SPATS2L: variants seen among roughly 807,000 people sequenced by gnomAD.
SPATS2L encodes the protein spermatogenesis associated serine rich 2 like, also known as SPATS2-like protein.
Under a neutral mutation model 59.6 loss-of-function variants are expected in SPATS2L, and 30 were observed. The observed-to-expected ratio is 0.50, with a 90% confidence interval of 0.38 to 0.68. The LOEUF (loss-of-function observed/expected upper bound fraction) is 0.68. SPATS2L is among the 30% of genes least tolerant of loss of function. The pLI, the probability that SPATS2L is intolerant of heterozygous loss-of-function variation, is 0.00. For synonymous variants in SPATS2L, 252 were observed against 263.5 expected (o/e 0.96, Z 0.42); for missense variants, 615 against 700.0 (o/e 0.88, Z 1.37).
At chr2:200,392,357 A>C in intron 3 of SPATS2L, among the ~76,000 whole-genome samples, 1 of 152,156 alleles carries the variant, frequency 6.6e-6, no homozygotes, top group Middle Eastern at 3.2e-3. Context: ...AAATACTTGG[A>C]GGTTTGGGGT....
intron 2 of SPATS2L, among the ~76,000 whole-genome samples, chr2:200,366,923 T>C (rs961752522): frequency 1.3e-5 from 2 of 152,230 alleles, no homozygotes; most frequent in African/African-American, 4.8e-5. Flanking sequence ...TAAACCAAAG[T>C]AGTAATTTAC....
intron 2 of SPATS2L, among the ~76,000 whole-genome samples, chr2:200,361,668 A>C (rs2081111454): frequency 6.6e-6 from 1 of 152,200 alleles, no homozygotes; most frequent in Non-Finnish European, 1.5e-5. Flanking sequence ...TTACAACTGA[A>C]TAAGCCAGTC....
intron 6 of SPATS2L, among the ~76,000 whole-genome samples, chr2:200,438,810 C>T (rs1410646800): frequency 6.6e-6 from 1 of 152,112 alleles, no homozygotes; most frequent in Non-Finnish European, 1.5e-5. Flanking sequence ...TGCTCATCTT[C>T]TATAAGCCTC....
In SPATS2L at chr2:200,321,608, T is replaced by C. The variant is rs569823262; in HGVS notation, c.-72-7823T>C. On this transcript the variant is annotated intron_variant, in intron 1 of 12. Transcript: ENST00000409140. Reference sequence around the variant, plus strand: ...TCAGTATATGAATGTGCTTTAATGTTATTCTATGGATAAACAATTTTTAAT... The same window carrying C: ...TCAGTATATGAATGTGCTTTAATGTCATTCTATGGATAAACAATTTTTAAT... Among the ~76,000 whole-genome samples the C allele has an allele frequency of 3.3e-5, 5 of 152,362 alleles. No homozygotes were observed. The South Asian group carries it at 8.3e-4, about 25-fold the overall frequency.
chr2:200,346,925 G>T (rs960590461), intron 2 of SPATS2L, among the ~76,000 whole-genome samples: 5 of 152,290 alleles, frequency 3.3e-5, no homozygotes, highest in South Asian at 4.1e-4. Flanking sequence ...TTGGGCTGCT[G>T]TACATGCTTG....
At chr2:200,448,950 C>T (rs1338011727) in intron 8 of SPATS2L, among the ~76,000 whole-genome samples, 4 of 152,152 alleles carry the variant, frequency 2.6e-5, no homozygotes, top group Non-Finnish European at 5.9e-5. Context: ...CACTCTGCAC[C>T]AGTCCAATAA....
In SPATS2L at chr2:200,445,486, C is replaced by T. The variant is rs1481720925; in HGVS notation, c.788+4702C>T. ...TCAATGTGGTCAACAGGTGGCCCCA[C>T]ATACAAACCAGATGTCACCATTGAC... On this transcript the variant is annotated intron_variant, in intron 8 of 12. Transcript: ENST00000409140. Among the ~76,000 whole-genome samples the T allele has an allele frequency of 2.0e-5, 3 of 152,320 alleles. No individual in the cohort carries two copies. In the East Asian group the frequency reaches 5.8e-4, roughly 29 times the overall value.
chr2:200,447,048 G>T (rs2085095753), intron 8 of SPATS2L, among the ~76,000 whole-genome samples: 1 of 152,158 alleles, frequency 6.6e-6, no homozygotes, highest in East Asian at 1.9e-4. Flanking sequence ...AAGAACCAAA[G>T]GTTGTAGCTA....
chr2:200,382,153 C>A (rs542082806), intron 2 of SPATS2L, among the ~76,000 whole-genome samples: 17 of 152,190 alleles, frequency 1.1e-4, no homozygotes, highest in African/African-American at 4.1e-4. Flanking sequence ...CCCCACCTAC[C>A]GGGTTCAAGC....
At chr2:200,383,849 A>G in intron 2 of SPATS2L, 2 of 993,270 alleles carry the variant, frequency 2.0e-6, no homozygotes, top group Non-Finnish European at 2.4e-6. Context: ...TATATTTCCT[A>G]TGGTTTCTTA....
At chr2:200,477,391 C>T (rs1157702785) in intron 12 of SPATS2L, among the ~76,000 whole-genome samples, 1 of 151,950 alleles carries the variant, frequency 6.6e-6, no homozygotes, top group Non-Finnish European at 1.5e-5. Context: ...TCTTACACTT[C>T]TGTAACCTCT....
intron 6 of SPATS2L, among the ~76,000 whole-genome samples, chr2:200,433,189 A>G (rs1452964538): frequency 2.0e-5 from 3 of 152,226 alleles, no homozygotes; most frequent in African/African-American, 7.2e-5. Flanking sequence ...AAGCAGCAAT[A>G]TATAGAACTA....
intron 2 of SPATS2L, among the ~76,000 whole-genome samples, chr2:200,376,111 T>G (rs1412279803): frequency 1.3e-5 from 2 of 152,218 alleles, no homozygotes; most frequent in African/African-American, 4.8e-5. Context: ...GCATTGTATT[T>G]GGAACTTTGG....
intron 2 of SPATS2L, among the ~76,000 whole-genome samples, chr2:200,385,985 C>G (rs927480102): frequency 6.6e-6 from 1 of 152,220 alleles, no homozygotes; most frequent in Admixed American, 6.5e-5. Flanking sequence ...AGCCACCGCA[C>G]CCGGCCAACT....
At chr2:200,439,068 C>A in intron 6 of SPATS2L, 54 bp from the exon 7 acceptor site, 2 of 1,479,330 alleles carry the variant, frequency 1.4e-6, no homozygotes, top group Non-Finnish European at 9.4e-7. Flanking sequence ...ATCACTTTAT[C>A]GTCAGTGTTT....
chr2:200,455,571 T>G (rs530415990), intron 8 of SPATS2L, among the ~76,000 whole-genome samples: 2 of 152,338 alleles, frequency 1.3e-5, no homozygotes, highest in African/African-American at 4.8e-5. Context: ...AGGGCTGATA[T>G]GTGTCTGCAG....
At chr2:200,326,597 A>T (rs1008952921) in intron 1 of SPATS2L, among the ~76,000 whole-genome samples, 8 of 152,218 alleles carry the variant, frequency 5.3e-5, no homozygotes, top group African/African-American at 1.9e-4. Flanking sequence ...TAATTGTGGA[A>T]TCCCTTTCAG....
intron 2 of SPATS2L, among the ~76,000 whole-genome samples, chr2:200,377,581 G>T (rs2081641834): frequency 6.6e-6 from 1 of 151,800 alleles, no homozygotes; most frequent in Admixed American, 6.6e-5. Flanking sequence ...TGTAGATGGA[G>T]CAGGTCTGAC....
At chr2:200,412,458 T>C (rs6706953) in intron 4 of SPATS2L, 39 bp downstream of exon 4, 580,703 of 1,117,136 alleles carry the variant, frequency 0.52, 155,860 homozygotes, top group Admixed American at 0.56. Context: ...GATGTTAGAC[T>C]TAAATATTCC....
Sources: allele counts gnomAD v4.1 joint callset (sites outside exome capture counted in the v4.1 genomes callset), GRCh38; gene constraint gnomAD v4.1.1; transcripts MANE v1.5; gene names NCBI Gene and HGNC (gene_info 2026-07-23, HGNC 2026-07-21).